The following C2CD3 variants were observed in gnomAD, a reference collection of about 807,000 sequenced individuals.
C2CD3 encodes C2 domain-containing protein 3.
In C2CD3, 148 loss-of-function variants were observed where a neutral mutation model predicts 234.0. That is an observed-to-expected ratio of 0.63 (90% CI 0.55 to 0.72). C2CD3 has a LOEUF of 0.72. Among genes scored for constraint, C2CD3 ranks in the 30% least tolerant of loss-of-function variants. The pLI is 0.00. For synonymous variants in C2CD3, 1,000 were observed against 1,035.4 expected, an observed-to-expected ratio of 0.97 and a Z score of 0.66; for missense variants, 2,577 against 2,811.5, an observed-to-expected ratio of 0.92 and a Z score of 1.89.
chr11:74,046,415 C>G (rs112657228), intron 28 of C2CD3, among the ~76,000 whole-genome samples: 1,889 of 152,332 alleles, frequency 0.012, 27 homozygotes, highest in Middle Eastern at 0.02. Flanking sequence ...GTGATCATAG[C>G]TCACTGCACC....
At chr11:74,035,338 T>A (rs1952687422) in intron 30 of C2CD3, among the ~76,000 whole-genome samples, 1 of 152,182 alleles carries the variant, frequency 6.6e-6, no homozygotes, top group Admixed American at 6.5e-5. Flanking sequence ...CTCAGAGCAG[T>A]CTTCTTGCTT....
intron 8 of C2CD3, among the ~76,000 whole-genome samples, chr11:74,122,573 T>C (rs928097395): frequency 2.0e-5 from 3 of 152,228 alleles, no homozygotes; most frequent in Non-Finnish European, 4.4e-5. Context: ...AGAGAATCCC[T>C]GTCTTACAGG....
Position 74,078,679 on chromosome 11 carries a change from C to T in C2CD3, c.4039G>A (p.Gly1347Arg), listed in dbSNP as rs758231091. 54 of 1,611,522 alleles carry T rather than the reference C, an allele frequency of 3.4e-5. No individual in the cohort carries two copies. The highest frequency in any genetic ancestry group is 3.3e-4 in the Middle Eastern group (2 of 6,066). The stretch of plus-strand genomic sequence containing the variant: ...AGCTCCAGGCCATGAGGTAGGCCCC[C>T]GTCTTCTGGTAAAATGATAGGATAC... ...GWYPIILPEDGGLPHGLELMQ... is the reference protein window; with the variant it reads ...GWYPIILPEDRGLPHGLELMQ... The change falls in exon 23 of 33, where the codon GGG (glycine) becomes AGG (arginine). Residue 1347 changes from glycine (G) to arginine (R), a missense_variant. Transcript: ENST00000334126.
At chr11:74,031,389 C>T (rs1952516829) in intron 31 of C2CD3, among the ~76,000 whole-genome samples, 1 of 152,250 alleles carries the variant, frequency 6.6e-6, no homozygotes, top group South Asian at 2.1e-4. Flanking sequence ...TGCCCACAGG[C>T]AGCCTCCTTC....
rs565299115 is a variant in C2CD3, at chr11:74,013,301, G to A, written c.*84C>T. Reference sequence around the variant, plus strand: ...TCAGGACTGTGACAGCCCTGAAGGAGCCAGACCTGGTGCCTCCTGCAAGCT... The same window carrying A: ...TCAGGACTGTGACAGCCCTGAAGGAACCAGACCTGGTGCCTCCTGCAAGCT... On this transcript the variant is annotated 3_prime_UTR_variant, in exon 33 of 33. Transcript: ENST00000334126. 60 of 467,854 alleles carry A rather than the reference G, an allele frequency of 1.3e-4. No homozygotes were observed. Among genetic ancestry groups the A allele is most frequent in the African/African-American group, 1.1e-3 (54 of 49,454 alleles). The allele number at this position is 467,854 out of a possible 1,614,324, so 29.0% of individuals were successfully genotyped here.
At chr11:74,069,798 A>G (rs57577978) in intron 24 of C2CD3, among the ~76,000 whole-genome samples, 8,685 of 152,226 alleles carry the variant, frequency 0.057, 789 homozygotes, top group African/African-American at 0.2. Flanking sequence ...CCCTTAAGCA[A>G]TGTCCAATTT....
At chr11:74,167,016 G>A (rs978270310) in intron 2 of C2CD3, among the ~76,000 whole-genome samples, 9 of 152,086 alleles carry the variant, frequency 5.9e-5, no homozygotes, top group Non-Finnish European at 8.8e-5. Flanking sequence ...CCGTTCAACC[G>A]GGTTGCTTCT....
intron 11 of C2CD3, 163 bp downstream of exon 11, chr11:74,113,617 C>A (rs768349593): frequency 1.6e-6 from 1 of 624,214 alleles, no homozygotes; most frequent in South Asian, 1.7e-5. Context: ...GAGGTGGAGG[C>A]TGCAGTGAGC....
At chr11:74,098,935 G>A (rs1354890391) in intron 15 of C2CD3, among the ~76,000 whole-genome samples, 1 of 152,092 alleles carries the variant, frequency 6.6e-6, no homozygotes, top group African/African-American at 2.4e-5. Flanking sequence ...TAAAACGTAC[G>A]CAATGAAAAA....
intron 2 of C2CD3, 58 bp downstream of exon 2, chr11:74,168,286 A>T: frequency 7.1e-7 from 1 of 1,406,686 alleles, no homozygotes; most frequent in Non-Finnish European, 1.0e-6. Flanking sequence ...TATTGCTGAC[A>T]ATATAACCAC....
chr11:74,076,031 C>A (rs755422246), intron 23 of C2CD3, among the ~76,000 whole-genome samples: 69 of 152,320 alleles, frequency 4.5e-4, no homozygotes, highest in African/African-American at 1.5e-3. Flanking sequence ...AGTTCCTATA[C>A]TTAGATCTAT....
intron 3 of C2CD3, among the ~76,000 whole-genome samples, chr11:74,141,230 G>C (rs1958038408): frequency 6.6e-6 from 1 of 152,174 alleles, no homozygotes; most frequent in African/African-American, 2.4e-5. Context: ...AAACATGCCT[G>C]GGTCTTGATG....
chr11:74,106,464 A>T lies in C2CD3; in HGVS notation c.1992T>A (p.Ser664=). ...GCTCTGATTGAATGACAGCTCGCAA[A>T]GAAAGTGACACAGATCCAATGACTT... ...KPEVIGSVSL[S]LRAVIQSELL... The change falls in exon 13 of 33, where the codon TCT becomes TCA. Residue 664 remains serine (S), a synonymous_variant. Transcript: ENST00000334126. 1 of 1,614,104 alleles carries T rather than the reference A, an allele frequency of 6.2e-7. No homozygotes were observed. Among genetic ancestry groups the T allele is most frequent in the Admixed American group, 1.7e-5 (1 of 60,034 alleles).
chr11:74,143,741 T>G (rs896113439), intron 3 of C2CD3, among the ~76,000 whole-genome samples: 1 of 151,838 alleles, frequency 6.6e-6, no homozygotes, highest in Non-Finnish European at 1.5e-5. Context: ...AAGGATATTG[T>G]TCTATACTTT....
rs778349032 is a variant in C2CD3, at chr11:74,139,604, C to T, written c.707+1G>A. On this transcript the variant is annotated splice_donor_variant, in intron 4 of 32. Coordinates refer to ENST00000334126, the MANE Select transcript of C2CD3 (RefSeq NM_001286577.2). LOFTEE classifies it high-confidence loss of function. ...TGACTGGTATTAGGTATGGTAATTA[C>T]CTCGGAGTGGTTGATCTACTGCTGT... 4 of 1,602,078 alleles carry T rather than the reference C, an allele frequency of 2.5e-6. No homozygotes were observed. The South Asian group carries it at 3.3e-5, about 13-fold the overall frequency.
chr11:74,118,509 A>C (rs1957101288), intron 8 of C2CD3, 127 bp from the exon 9 acceptor site: 2 of 585,446 alleles, frequency 3.4e-6, no homozygotes, highest in South Asian at 6.6e-5. Context: ...AAGAACTGAC[A>C]CCAGGGAGAT....
rs138371078 is a variant in C2CD3 at position 74,081,329 on chromosome 11, C to G, written c.4001-2612G>C. The stretch of plus-strand genomic sequence containing the variant: ...TTCCAGACTGCCTTGGTGGTTGTGT[C>G]TATTTTGGGGGGCATTTATCCCATG... On this transcript the variant is annotated intron_variant, in intron 22 of 32. Transcript: ENST00000334126. Among the ~76,000 whole-genome samples the G allele has an allele frequency of 1.4e-4, 21 of 152,192 alleles. No homozygotes were observed. The East Asian group carries it at 4.1e-3, about 29-fold the overall frequency.
chr11:74,106,439 G>T lies in C2CD3; in HGVS notation c.2017C>A (p.Leu673Met). The T allele has an allele frequency of 6.2e-7, 1 of 1,613,962 alleles. No individual in the cohort carries two copies. Among genetic ancestry groups the T allele is most frequent in the Non-Finnish European group, 8.5e-7 (1 of 1,179,836 alleles). ...GGAAGCTGATCACTGAAAGAAAGCA[G>T]CTCTGATTGAATGACAGCTCGCAAA... Reference protein sequence around the residue: ...LSLRAVIQSELLSFSDQLPVQ... With the variant: ...LSLRAVIQSEMLSFSDQLPVQ... Residue 673 changes from leucine to methionine, a missense_variant, in exon 13 of 33, where the codon CTG becomes ATG. Transcript: ENST00000334126.
chr11:74,141,785 A>C (rs1364566115), intron 3 of C2CD3, among the ~76,000 whole-genome samples: 4 of 152,100 alleles, frequency 2.6e-5, no homozygotes, highest in Non-Finnish European at 5.9e-5. Flanking sequence ...GCTTGAGCCC[A>C]GGAATTTGAG....
Sources: gnomAD v4.1 joint callset for allele counts (sites outside exome capture counted in the v4.1 genomes callset) on GRCh38, gnomAD v4.1.1 for gene constraint, MANE v1.5 for transcripts, NCBI Gene and HGNC (gene_info 2026-07-23, HGNC 2026-07-21) for gene names.